Variants in PRKCB observed in about 807,000 individuals in gnomAD.
PRKCB encodes protein kinase C beta.
PRKCB carries 13 observed loss-of-function variants against 81.5 expected under a neutral mutation model. That is an observed-to-expected ratio of 0.16 (90% CI 0.10 to 0.25). PRKCB has a LOEUF of 0.25. PRKCB is among the 10% of genes least tolerant of loss of function. The pLI, the probability that PRKCB is intolerant of heterozygous loss-of-function variation, is 1.00. For synonymous variants in PRKCB, 335 were observed against 321.4 expected (o/e 1.04, Z -0.45); for missense variants, 509 against 875.7 (o/e 0.58, Z 5.29).
intron 9 of PRKCB, among the ~76,000 whole-genome samples, chr16:24,125,093 G>C (rs79416256): frequency 1.2e-3 from 41 of 35,310 alleles, no homozygotes; most frequent in African/African-American, 1.4e-3. Context: ...ATAATTAATT[G>C]CAATCCCAAT....
chr16:23,886,363 C>T (rs192219392), intron 2 of PRKCB, among the ~76,000 whole-genome samples: 1 of 148,652 alleles, frequency 6.7e-6, no homozygotes, highest in East Asian at 2.0e-4. Context: ...GTCATCTTTA[C>T]CTCTTAGAGT....
intron 7 of PRKCB, among the ~76,000 whole-genome samples, chr16:24,104,833 T>C (rs1003907579): frequency 4.6e-5 from 7 of 152,056 alleles, no homozygotes; most frequent in African/African-American, 1.2e-4. Context: ...TCTTGGAGGA[T>C]ATGGGGAGAG....
At chr16:23,914,987 A>T (rs902146302) in intron 2 of PRKCB, among the ~76,000 whole-genome samples, 4 of 152,316 alleles carry the variant, frequency 2.6e-5, no homozygotes, top group Admixed American at 1.3e-4. Context: ...AACAAGATGG[A>T]TGGGGGCTGT....
At chr16:24,073,957 A>G (rs938824626) in intron 5 of PRKCB, among the ~76,000 whole-genome samples, 2 of 151,956 alleles carry the variant, frequency 1.3e-5, no homozygotes, top group Non-Finnish European at 2.9e-5. Context: ...CCTGGCTAAC[A>G]TGGTGAAACC....
At chr16:24,206,713 C>T (rs1034600) in intron 16 of PRKCB, among the ~76,000 whole-genome samples, 27,954 of 152,160 alleles carry the variant, frequency 0.18, 2,840 homozygotes, top group Admixed American at 0.22. Context: ...TGCTCAATGG[C>T]AGCACCTGTC....
At chr16:24,179,100 A>T (rs1967579684) in intron 12 of PRKCB, among the ~76,000 whole-genome samples, 1 of 152,224 alleles carries the variant, frequency 6.6e-6, no homozygotes, top group East Asian at 1.9e-4. Context: ...TGTAAAATGC[A>T]CTTATCCCTT....
chr16:24,182,873 TTG>T lies in PRKCB; in HGVS notation c.1533+1973_1533+1974del, dbSNP rs10524225. ...ATGCTTGGGCATCCCACATTGTTTC[TTG>T]TGTGTGTGTGTGTGTGTGTGTGTGT... On this transcript the variant is annotated intron_variant, in intron 13 of 16. Transcript: ENST00000643927. Among the ~76,000 whole-genome samples, 61 of 133,426 alleles carry T rather than the reference TTG, an allele frequency of 4.6e-4. 2 individuals carry two copies. The highest frequency in any genetic ancestry group is 4.0e-3 in the East Asian group (18 of 4,450). The allele number at this position is 133,426 out of a possible 152,430, so 87.5% of individuals were successfully genotyped here. A position where few individuals can be genotyped will look rare whatever the true frequency, so the allele number is the denominator to read the frequency against.
intron 2 of PRKCB, among the ~76,000 whole-genome samples, chr16:23,935,064 C>A (rs195990): frequency 0.52 from 78,522 of 151,912 alleles, 21,151 homozygotes; most frequent in East Asian, 0.62. Flanking sequence ...TGGCTGAGCA[C>A]AGAGCCACCC....
intron 9 of PRKCB, among the ~76,000 whole-genome samples, chr16:24,146,871 GTATTAAAGTTTCTGGA>G (rs1966998043): frequency 1.3e-5 from 2 of 152,072 alleles, no homozygotes; most frequent in African/African-American, 4.8e-5. Flanking sequence ...CTCTATGTTG[GTATTAAAGTTTCTGGA>G]AGCTCCAGAA....
chr16:23,962,700 A>G (rs950964431), intron 2 of PRKCB, among the ~76,000 whole-genome samples: 3 of 151,756 alleles, frequency 2.0e-5, no homozygotes, highest in African/African-American at 7.3e-5. Flanking sequence ...CAGCCTGACA[A>G]TTGAGTCTAG....
At chr16:23,949,030 C>A (rs1964240448) in intron 2 of PRKCB, among the ~76,000 whole-genome samples, 1 of 152,194 alleles carries the variant, frequency 6.6e-6, no homozygotes, top group Non-Finnish European at 1.5e-5. Context: ...GAGTGGTAAT[C>A]AGAGGCAACC....
In PRKCB at chr16:24,212,461, C is replaced by CTTT. The variant is rs975667798; in HGVS notation, c.1864-2173_1864-2171dup. Reference sequence around the variant, plus strand: ...CTCTCTCCTCCTGTGCTTTTTTTTCCTTTTTTTTTTTTTTTTTTTTTTTTT... The same window carrying CTTT: ...CTCTCTCCTCCTGTGCTTTTTTTTCCTTTTTTTTTTTTTTTTTTTTTTTTTTTT... On this transcript the variant is annotated intron_variant, in intron 16 of 16. Transcript: ENST00000643927. Among the ~76,000 whole-genome samples, 81 of 78,024 alleles carry CTTT rather than the reference C, an allele frequency of 1.0e-3. 1 individual carries two copies. Among genetic ancestry groups the CTTT allele is most frequent in the Non-Finnish European group, 1.4e-3 (55 of 39,724 alleles). The allele number at this position is 78,024 out of a possible 152,430, so 51.2% of individuals were successfully genotyped here.
chr16:24,157,942 T>G (rs1374374367), intron 10 of PRKCB, among the ~76,000 whole-genome samples: 3 of 152,168 alleles, frequency 2.0e-5, no homozygotes, highest in Non-Finnish European at 4.4e-5. Context: ...CTAATGAGAA[T>G]GGACTAATAC....
chr16:23,919,170 A>G (rs1176656796), intron 2 of PRKCB, among the ~76,000 whole-genome samples: 1 of 152,242 alleles, frequency 6.6e-6, no homozygotes, highest in Non-Finnish European at 1.5e-5. Flanking sequence ...AGCCTTCATC[A>G]CAGTGTGATG....
rs201961805 is a variant in PRKCB, at chr16:23,983,696, GA to G, written c.206-4811del. ...TTTATCCCCTTCTGTCTCCAAAGGGGATAAAGATGAATAAGATAATAATTGA... is the reference window on the plus strand; with the variant it reads ...TTTATCCCCTTCTGTCTCCAAAGGGGTAAAGATGAATAAGATAATAATTGA... On this transcript the variant is annotated intron_variant, in intron 2 of 16. Transcript: ENST00000643927. Among the ~76,000 whole-genome samples the G allele has an allele frequency of 6.4e-3, 973 of 152,052 alleles. 7 individuals carry two copies. The highest frequency in any genetic ancestry group is 0.022 in the African/African-American group (931 of 41,486).
chr16:24,216,046 A>G lies in PRKCB; in HGVS notation c.*1230A>G. On this transcript the variant is annotated 3_prime_UTR_variant, in exon 17 of 17. Coordinates refer to ENST00000643927, the MANE Select transcript of PRKCB (RefSeq NM_002738.7). The stretch of plus-strand genomic sequence containing the variant: ...ATTTCAAGGAAAACTGCTCTTTTTG[A>G]GAAACGTGGACCTAAACTACAAAGT... The G allele has an allele frequency of 1.0e-6, 1 of 985,218 alleles. No individual in the cohort carries two copies. The highest frequency in any genetic ancestry group is 4.7e-5 in the South Asian group (1 of 21,282). 61.0% of individuals were successfully genotyped at this position (985,218 alleles called of 1,614,324 possible).
chr16:23,837,251 C>T (rs1331329841), intron 1 of PRKCB, 124 bp from the exon 2 acceptor site: 1 of 1,227,834 alleles, frequency 8.1e-7, no homozygotes, highest in African/African-American at 1.5e-5. Context: ...TGGGCACCCG[C>T]CTGTGGCTGG....
chr16:23,928,862 G>T (rs1036276042), intron 2 of PRKCB, among the ~76,000 whole-genome samples: 1 of 151,906 alleles, frequency 6.6e-6, no homozygotes, highest in Non-Finnish European at 1.5e-5. Flanking sequence ...AGGATTACAG[G>T]CGCCCACAAC....
intron 3 of PRKCB, among the ~76,000 whole-genome samples, chr16:23,990,938 C>T (rs1022999128): frequency 2.6e-5 from 4 of 152,188 alleles, no homozygotes; most frequent in Admixed American, 6.5e-5. Context: ...TAATGAACTG[C>T]ATTCAGCATA....
Sources: allele counts gnomAD v4.1 joint callset (sites outside exome capture counted in the v4.1 genomes callset), GRCh38; gene constraint gnomAD v4.1.1; transcripts MANE v1.5; gene names NCBI Gene and HGNC (gene_info 2026-07-23, HGNC 2026-07-21).